SNX27: variants seen among roughly 807,000 people sequenced by gnomAD.
SNX27 encodes the protein sorting nexin-27.
In SNX27, 22 loss-of-function variants were observed where a neutral mutation model predicts 71.6. The ratio of observed to expected loss-of-function variants is 0.31; its 90% CI spans 0.22 to 0.44. The LOEUF (loss-of-function observed/expected upper bound fraction) is 0.44. Ranked by LOEUF, SNX27 falls within the 20% of genes least tolerant of loss-of-function variation. The pLI is 1.00. For synonymous variants in SNX27, 269 were observed against 277.2 expected (o/e 0.97, Z 0.29); for missense variants, 531 against 698.6 (o/e 0.76, Z 2.70).
At chr1:151,692,718 A>G (rs2102743395) in intron 9 of SNX27, 134 bp downstream of exon 9, 2 of 1,422,496 alleles carry the variant, frequency 1.4e-6, no homozygotes, top group Non-Finnish European at 9.6e-7. Flanking sequence ...ATAAACAGGC[A>G]TGGAATCCAC....
intron 1 of SNX27, among the ~76,000 whole-genome samples, chr1:151,620,694 C>CTTTT (rs35641892): frequency 1.3e-4 from 18 of 143,714 alleles, no homozygotes; most frequent in South Asian, 2.2e-4. Flanking sequence ...TTTGAAGATG[C>CTTTT]TTTTTTTTTT....
chr1:151,676,769 C>T (rs1170632754), intron 7 of SNX27: 2 of 151,866 alleles, frequency 1.3e-5, no homozygotes, highest in African/African-American at 4.8e-5. Context: ...ATATTTAATG[C>T]TTTAATTTAC....
At chr1:151,634,932 T>G (rs1668402862) in intron 1 of SNX27, among the ~76,000 whole-genome samples, 1 of 152,230 alleles carries the variant, frequency 6.6e-6, no homozygotes, top group Non-Finnish European at 1.5e-5. Flanking sequence ...CAGTATATAT[T>G]GGTAGATCCT....
chr1:151,627,298 A>C (rs1667988320), intron 1 of SNX27, among the ~76,000 whole-genome samples: 1 of 152,220 alleles, frequency 6.6e-6, no homozygotes, highest in Admixed American at 6.5e-5. Context: ...GTTCAATTCC[A>C]ATACACTTGT....
At chr1:151,657,799 G>A (rs1395184838) in intron 2 of SNX27, among the ~76,000 whole-genome samples, 5 of 152,036 alleles carry the variant, frequency 3.3e-5, no homozygotes, top group Admixed American at 2.0e-4. Context: ...TCAAGAGGTC[G>A]AGACCAGCCT....
chr1:151,652,073 C>G (rs959451030), intron 2 of SNX27, among the ~76,000 whole-genome samples: 1 of 151,200 alleles, frequency 6.6e-6, no homozygotes, highest in Admixed American at 6.6e-5. Context: ...AGCCTGCAAT[C>G]GCAGGCACTC....
chr1:151,647,998 A>G (rs968720275), intron 2 of SNX27, among the ~76,000 whole-genome samples: 2 of 152,076 alleles, frequency 1.3e-5, no homozygotes, highest in African/African-American at 2.4e-5. Flanking sequence ...AAGTTAAAAA[A>G]AAAAACAACA....
intron 1 of SNX27, among the ~76,000 whole-genome samples, chr1:151,617,270 T>G (rs1432219054): frequency 6.6e-6 from 1 of 151,868 alleles, no homozygotes; most frequent in Admixed American, 6.6e-5. Flanking sequence ...TAGTTTTATT[T>G]ATTTATTTAT....
At chr1:151,633,938 T>C (rs1374389069) in intron 1 of SNX27, among the ~76,000 whole-genome samples, 1 of 152,088 alleles carries the variant, frequency 6.6e-6, no homozygotes, top group Non-Finnish European at 1.5e-5. Context: ...CGGTGGACAT[T>C]CAACTACAGT....
At chr1:151,692,845 C>CCTA in intron 9 of SNX27, 66 bp from the exon 10 acceptor site, 1 of 1,605,968 alleles carries the variant, frequency 6.2e-7, no homozygotes, top group Non-Finnish European at 8.5e-7. Flanking sequence ...TTCAGAACCC[C>CCTA]CTACCTCAGT....
chr1:151,643,280 ATTTAT>A (rs1668867228), intron 2 of SNX27, among the ~76,000 whole-genome samples: 1 of 145,542 alleles, frequency 6.9e-6, no homozygotes, highest in Non-Finnish European at 1.5e-5. Context: ...TTATTTATTT[ATTTAT>A]TTATTTATTT....
Position 151,620,172 on chromosome 1 carries a change from G to T in SNX27, c.311+7660G>T, listed in dbSNP as rs1181099089. On this transcript the variant is annotated intron_variant, in intron 1 of 11. Coordinates refer to ENST00000458013, the MANE Select transcript of SNX27 (RefSeq NM_001330723.2). Reference sequence around the variant, plus strand: ...TTGTCTGTAGACATTTGTGATGATAGAAACTGGAAAGGAAGGTTGCAGTAA... The same window carrying T: ...TTGTCTGTAGACATTTGTGATGATATAAACTGGAAAGGAAGGTTGCAGTAA... Among the ~76,000 whole-genome samples, 3 of 152,342 alleles carry T rather than the reference G, an allele frequency of 2.0e-5. No homozygotes were observed. The East Asian group carries it at 5.8e-4, about 29-fold the overall frequency.
chr1:151,617,503 C>T (rs544364270), intron 1 of SNX27, among the ~76,000 whole-genome samples: 1 of 152,248 alleles, frequency 6.6e-6, no homozygotes, highest in African/African-American at 2.4e-5. Flanking sequence ...AGGCTGGTCT[C>T]AAACTCCCCA....
chr1:151,626,107 C>T (rs944886748), intron 1 of SNX27, among the ~76,000 whole-genome samples: 3 of 151,776 alleles, frequency 2.0e-5, no homozygotes, highest in Non-Finnish European at 2.9e-5. Flanking sequence ...CCACCCTGGG[C>T]GACAGAGCGA....
intron 1 of SNX27, chr1:151,613,959 T>G (rs1004561068): frequency 8.3e-6 from 1 of 119,972 alleles, no homozygotes; most frequent in African/African-American, 3.0e-5. Context: ...ATTTTAATTG[T>G]AATTTCCGCA....
chr1:151,627,407 T>A (rs138107463), intron 1 of SNX27, among the ~76,000 whole-genome samples: 2 of 152,380 alleles, frequency 1.3e-5, no homozygotes, highest in East Asian at 3.9e-4. Context: ...TTTAGTCTTA[T>A]GGACTCTTTT....
At position 151,668,573 on chromosome 1, in the gene SNX27, A is replaced by G; in HGVS notation, c.1087A>G (p.Thr363Ala). 6.2e-7 allele frequency: 1 copy of G among 1,614,068 alleles called. No homozygotes were observed. The highest frequency in any genetic ancestry group is 8.5e-7 in the Non-Finnish European group (1 of 1,179,978). ...CTTGACCATTCGAAAGTGGCTTTTT[A>G]CAACAGAAGAAGAAATTCTCTTAAA... is the stretch of plus-strand genomic sequence containing the variant. The part of the protein sequence containing the change: ...TCLTIRKWLF[T>A]TEEEILLNDN... The change falls in exon 7 of 12, where the codon ACA becomes GCA. Residue 363 changes from threonine to alanine, a missense_variant. Thr to Ala is a moderately conservative substitution (Grantham distance 58, BLOSUM62 0). Around this residue, in one of 5 missense-constraint regions of SNX27, gnomAD observed 184 missense variants for 289.6 expected, o/e 0.64. Coordinates refer to ENST00000458013, the MANE Select transcript of SNX27 (RefSeq NM_001330723.2).
intron 7 of SNX27, among the ~76,000 whole-genome samples, chr1:151,672,679 G>C (rs1670495959): frequency 1.3e-5 from 2 of 152,114 alleles, no homozygotes; most frequent in East Asian, 3.9e-4. Context: ...CTTGTTATTA[G>C]TATGTTCAGG....
chr1:151,630,829 C>G (rs868120827), intron 1 of SNX27, among the ~76,000 whole-genome samples: 12 of 152,208 alleles, frequency 7.9e-5, no homozygotes, highest in Admixed American at 2.0e-4. Flanking sequence ...GTCAGGAGAT[C>G]GAGACCATCC....
Sources: gnomAD v4.1 joint callset for allele counts (sites outside exome capture counted in the v4.1 genomes callset) on GRCh38, gnomAD v4.1.1 for gene constraint, gnomAD v4.1.1 regional missense constraint, MANE v1.5 for transcripts, NCBI Gene and HGNC (gene_info 2026-07-23, HGNC 2026-07-21) for gene names.